Variants in SCFD2 observed in about 807,000 individuals in gnomAD.
SCFD2 encodes sec1 family domain containing 2, also known as sec1 family domain-containing protein 2.
In SCFD2, 54 loss-of-function variants were observed where a neutral mutation model predicts 58.9. That is an observed-to-expected ratio of 0.92 (90% CI 0.74 to 1.15). The LOEUF is 1.15. Among genes scored for constraint, SCFD2 ranks in the 50% most tolerant of loss-of-function variants. The pLI is 0.00. For synonymous variants in SCFD2, 321 were observed against 335.9 expected (o/e 0.96, Z 0.49); for missense variants, 805 against 836.6 (o/e 0.96, Z 0.47).
intron 5 of SCFD2, among the ~76,000 whole-genome samples, chr4:52,996,754 T>C (rs1721749679): frequency 6.6e-6 from 1 of 152,188 alleles, no homozygotes; most frequent in African/African-American, 2.4e-5. Flanking sequence ...CAAGAACAAA[T>C]TAGGCTGTCT....
Position 53,097,231 on chromosome 4 carries a change from G to T in SCFD2, c.1561+48102C>A, listed in dbSNP as rs539882227. 1.6e-3 allele frequency among the ~76,000 whole-genome samples: 250 copies of T among 152,268 alleles called. 2 individuals are homozygous for T. Among genetic ancestry groups the T allele is most frequent in the Non-Finnish European group, 2.7e-3 (184 of 68,026 alleles). On this transcript the variant is annotated intron_variant, in intron 5 of 8. Transcript: ENST00000401642. ...TTGGTTCCATATGAACTTTAAAGTT[G>T]TTTTTTCCAATTCTGTGAAGAAAGG... is the stretch of plus-strand genomic sequence containing the variant.
chr4:53,171,010 T>A (rs925959054), intron 4 of SCFD2, among the ~76,000 whole-genome samples: 1 of 152,208 alleles, frequency 6.6e-6, no homozygotes, highest in African/African-American at 2.4e-5. Flanking sequence ...TTTGATGCCT[T>A]CTGTTTCTTT....
In SCFD2 at chr4:53,297,704, T is replaced by C. The variant is rs534423708; in HGVS notation, c.1135+15932A>G. Among the ~76,000 whole-genome samples the C allele has an allele frequency of 3.9e-5, 6 of 152,322 alleles. 1 individual carries two copies. The South Asian group carries it at 6.2e-4, about 16-fold the overall frequency. On this transcript the variant is annotated intron_variant, in intron 3 of 8. Coordinates refer to ENST00000401642, the MANE Select transcript of SCFD2 (RefSeq NM_152540.4). ...GAAATTGATCCTGCCATTATGATGCTAGCTGGTTATTTTGCCCGTTAGTTG... is the reference window on the plus strand; with the variant it reads ...GAAATTGATCCTGCCATTATGATGCCAGCTGGTTATTTTGCCCGTTAGTTG...
intron 4 of SCFD2, among the ~76,000 whole-genome samples, chr4:53,192,537 GTTTA>G (rs973461063): frequency 6.6e-5 from 10 of 152,212 alleles, no homozygotes; most frequent in Non-Finnish European, 1.2e-4. Flanking sequence ...TAAATAAAAT[GTTTA>G]TTTAAAAAAT....
intron 5 of SCFD2, among the ~76,000 whole-genome samples, chr4:52,934,850 A>C (rs1720095664): frequency 6.6e-6 from 1 of 152,252 alleles, no homozygotes; most frequent in African/African-American, 2.4e-5. Flanking sequence ...TGATAAAAGA[A>C]GATGACCACG....
At chr4:53,354,628 C>A (rs1328893074) in intron 1 of SCFD2, among the ~76,000 whole-genome samples, 1 of 152,182 alleles carries the variant, frequency 6.6e-6, no homozygotes, top group Non-Finnish European at 1.5e-5. Context: ...TTTGTCACCT[C>A]TCACTAGCAC....
chr4:52,913,224 C>CT, intron 6 of SCFD2, among the ~76,000 whole-genome samples: 2 of 152,266 alleles, frequency 1.3e-5, no homozygotes, highest in African/African-American at 4.8e-5. Flanking sequence ...CCATGGACCG[C>CT]TACTGGTTCG....
chr4:53,322,536 ACTCT>A (rs1023102545), intron 2 of SCFD2, among the ~76,000 whole-genome samples: 1 of 152,168 alleles, frequency 6.6e-6, no homozygotes. Context: ...TTTTATTCCT[ACTCT>A]CTATCAGCCC....
chr4:53,214,288 G>A lies in SCFD2; in HGVS notation c.1311+59538C>T, dbSNP rs574385093. Reference sequence around the variant, plus strand: ...ATCCCACCAACAGTGTAAAAGTGTTGCTATTTCTCCACATCCTCCCAGCAC... The same window carrying A: ...ATCCCACCAACAGTGTAAAAGTGTTACTATTTCTCCACATCCTCCCAGCAC... On this transcript the variant is annotated intron_variant, in intron 4 of 8. Transcript: ENST00000401642. 1.1e-4 allele frequency among the ~76,000 whole-genome samples: 17 copies of A among 152,000 alleles called. No homozygotes were observed. The South Asian group carries it at 3.3e-3, about 30-fold the overall frequency.
intron 5 of SCFD2, among the ~76,000 whole-genome samples, chr4:53,024,391 TG>T (rs1488904169): frequency 1.3e-5 from 2 of 152,144 alleles, no homozygotes; most frequent in African/African-American, 4.8e-5. Context: ...GTTTTTAAGA[TG>T]GCATAATCAA....
intron 4 of SCFD2, among the ~76,000 whole-genome samples, chr4:53,272,556 A>C (rs1006167722): frequency 2.0e-5 from 3 of 152,200 alleles, no homozygotes; most frequent in Non-Finnish European, 2.9e-5. Flanking sequence ...TTGTAAGGAC[A>C]TGGATGAAGC....
chr4:53,219,274 G>A (rs375803905), intron 4 of SCFD2, among the ~76,000 whole-genome samples: 49 of 152,328 alleles, frequency 3.2e-4, no homozygotes, highest in East Asian at 1.4e-3. Flanking sequence ...TTGAGCTGCC[G>A]TTGGCTCCAC....
chr4:53,335,276 T>C (rs1156909107), intron 2 of SCFD2, among the ~76,000 whole-genome samples: 1 of 137,490 alleles, frequency 7.3e-6, no homozygotes, highest in Admixed American at 7.4e-5. Context: ...CTGCCAGAAA[T>C]ACATAACCTG....
intron 4 of SCFD2, among the ~76,000 whole-genome samples, chr4:53,176,564 C>T (rs533636909): frequency 6.6e-6 from 1 of 152,314 alleles, no homozygotes; most frequent in African/African-American, 2.4e-5. Context: ...GAATAACTAC[C>T]ATGCTAAACA....
intron 4 of SCFD2, among the ~76,000 whole-genome samples, chr4:53,215,278 G>T (rs1405036419): frequency 2.6e-5 from 4 of 152,056 alleles, no homozygotes; most frequent in African/African-American, 9.7e-5. Flanking sequence ...ATTCTTCCTA[G>T]ACATGAGCAT....
chr4:53,056,903 G>A (rs1449207448), intron 5 of SCFD2, among the ~76,000 whole-genome samples: 2 of 152,182 alleles, frequency 1.3e-5, no homozygotes, highest in African/African-American at 2.4e-5. Context: ...AATATCACAG[G>A]TTGGGCACTG....
intron 5 of SCFD2, among the ~76,000 whole-genome samples, chr4:53,056,004 A>G (rs1369455756): frequency 2.6e-5 from 4 of 152,174 alleles, no homozygotes; most frequent in East Asian, 1.9e-4. Context: ...AAGTACCCCA[A>G]AATGAACATG....
At chr4:53,300,277 A>G (rs559382129) in intron 3 of SCFD2, among the ~76,000 whole-genome samples, 1 of 152,300 alleles carries the variant, frequency 6.6e-6, no homozygotes, top group South Asian at 2.1e-4. Flanking sequence ...ATGGAAAACA[A>G]AAAAAGGCAG....
chr4:52,982,884 C>A (rs1721406801), intron 5 of SCFD2, among the ~76,000 whole-genome samples: 1 of 152,056 alleles, frequency 6.6e-6, no homozygotes, highest in African/African-American at 2.4e-5. Flanking sequence ...GATGTACATG[C>A]CATAAGTAGT....
Sources: allele counts gnomAD v4.1 joint callset (sites outside exome capture counted in the v4.1 genomes callset), GRCh38; gene constraint gnomAD v4.1.1; transcripts MANE v1.5; gene names NCBI Gene and HGNC (gene_info 2026-07-23, HGNC 2026-07-21).